The following PDE3A variants were observed in gnomAD, a reference collection of about 807,000 sequenced individuals.
PDE3A encodes cGMP-inhibited 3',5'-cyclic phosphodiesterase 3A.
In PDE3A, 43 loss-of-function variants were observed where a neutral mutation model predicts 98.3. The observed-to-expected ratio is 0.44, with a 90% CI of 0.34 to 0.56. The LOEUF (loss-of-function observed/expected upper bound fraction) is 0.56, where lower values mean the gene tolerates loss of function less well. PDE3A is among the 20% of genes least tolerant of loss of function. The pLI, the probability that PDE3A is intolerant of heterozygous loss-of-function variation, is 0.01. For missense variants in PDE3A, 1,427 were observed against 1,440.7 expected (o/e 0.99, Z 0.15); for synonymous variants, 663 against 567.9 (o/e 1.17, Z -2.38).
chr12:20,388,270 T>G (rs1178955573), intron 1 of PDE3A, among the ~76,000 whole-genome samples: 3 of 152,016 alleles, frequency 2.0e-5, no homozygotes. Flanking sequence ...CTGGACAGGC[T>G]TAAAATTTCT....
At chr12:20,495,509 A>G (rs1945904326) in intron 1 of PDE3A, among the ~76,000 whole-genome samples, 2 of 152,126 alleles carry the variant, frequency 1.3e-5, no homozygotes, top group Non-Finnish European at 2.9e-5. Flanking sequence ...TTCCTTTTAA[A>G]CTTGTCTGTT....
At position 20,682,690 on chromosome 12, in the gene PDE3A, T is replaced by C. The variant is rs148906070; in HGVS notation, c.*2419T>C. On this transcript the variant is annotated 3_prime_UTR_variant, in exon 16 of 16. Coordinates refer to ENST00000359062, the MANE Select transcript of PDE3A (RefSeq NM_000921.5). Reference sequence around the variant, plus strand: ...ATTACTATAAGTCAAATTTTGCCAGTGAATTTAACTATTTTTCTTTCCTTG... The same window carrying C: ...ATTACTATAAGTCAAATTTTGCCAGCGAATTTAACTATTTTTCTTTCCTTG... 1 of 152,340 alleles carries C rather than the reference T, an allele frequency of 6.6e-6. No individual in the cohort carries two copies. The highest frequency in any genetic ancestry group is 2.4e-5 in the African/African-American group (1 of 41,592). 9.4% of individuals were successfully genotyped at this position (152,340 alleles called of 1,614,324 possible).
At chr12:20,604,382 A>G (rs1001974709) in intron 2 of PDE3A, among the ~76,000 whole-genome samples, 1 of 152,190 alleles carries the variant, frequency 6.6e-6, no homozygotes, top group African/African-American at 2.4e-5. Flanking sequence ...GATGAATGAA[A>G]AAAACTTTCT....
At chr12:20,411,588 C>T (rs146835147) in intron 1 of PDE3A, among the ~76,000 whole-genome samples, 57 of 152,118 alleles carry the variant, frequency 3.7e-4, no homozygotes, top group African/African-American at 1.2e-3. Flanking sequence ...TTTGCACCTG[C>T]GCTACTGAAA....
chr12:20,493,074 A>G (rs1591986654), intron 1 of PDE3A, among the ~76,000 whole-genome samples: 1 of 152,340 alleles, frequency 6.6e-6, no homozygotes, highest in Non-Finnish European at 1.5e-5. Flanking sequence ...GTTAATATGT[A>G]TGAAATGTGT....
intron 2 of PDE3A, among the ~76,000 whole-genome samples, chr12:20,582,880 T>A (rs1044945220): frequency 6.6e-6 from 1 of 152,236 alleles, no homozygotes; most frequent in Non-Finnish European, 1.5e-5. Flanking sequence ...ACAATCTTAA[T>A]ATGCAGAGGG....
chr12:20,646,997 A>G, intron 12 of PDE3A, 47 bp downstream of exon 12: 1 of 1,327,062 alleles, frequency 7.5e-7, no homozygotes, highest in Non-Finnish European at 1.1e-6. Flanking sequence ...AAGATTTCTC[A>G]AGAAAGTGAA....
chr12:20,666,283 T>C (rs571937374), intron 15 of PDE3A, among the ~76,000 whole-genome samples: 2 of 152,356 alleles, frequency 1.3e-5, no homozygotes, highest in East Asian at 3.9e-4. Context: ...CATTTCTATG[T>C]GTTGGGAAGT....
At chr12:20,382,283 C>T (rs1943676786) in intron 1 of PDE3A, among the ~76,000 whole-genome samples, 1 of 151,872 alleles carries the variant, frequency 6.6e-6, no homozygotes, top group Non-Finnish European at 1.5e-5. Flanking sequence ...TCTACTGAAA[C>T]TGTACAGGAA....
chr12:20,538,935 C>T (rs1043852078), intron 1 of PDE3A, among the ~76,000 whole-genome samples: 1 of 147,564 alleles, frequency 6.8e-6, no homozygotes, highest in Non-Finnish European at 1.5e-5. Context: ...TGTGAACCAC[C>T]ACACCTAGCC....
At chr12:20,490,593 C>T (rs565815206) in intron 1 of PDE3A, among the ~76,000 whole-genome samples, 1 of 152,202 alleles carries the variant, frequency 6.6e-6, no homozygotes, top group South Asian at 2.1e-4. Flanking sequence ...ATAAAATATA[C>T]CTTATAGAGT....
At chr12:20,590,265 T>C (rs559574851) in intron 2 of PDE3A, among the ~76,000 whole-genome samples, 15 of 151,528 alleles carry the variant, frequency 9.9e-5, no homozygotes, top group African/African-American at 3.6e-4. Context: ...TTTGGGGAGA[T>C]TTAGGAGATG....
At chr12:20,511,373 G>C (rs1332551937) in intron 1 of PDE3A, among the ~76,000 whole-genome samples, 1 of 151,128 alleles carries the variant, frequency 6.6e-6, no homozygotes. Context: ...TACGAGAAAA[G>C]CTTGGAGTAT....
rs113722339 is a variant in PDE3A at position 20,480,423 on chromosome 12, C to A, written c.961-76237C>A. 9.1e-3 allele frequency among the ~76,000 whole-genome samples: 1,390 copies of A among 152,170 alleles called. 23 individuals are homozygous for A. Among genetic ancestry groups the A allele is most frequent in the African/African-American group, 0.03 (1,254 of 41,518 alleles). ...GTAAAGCTTTCAGAATATAAAAATT[C>A]TTCTGATTATGGACAAGCTACTGTG... On this transcript the variant is annotated intron_variant, in intron 1 of 15. Transcript: ENST00000359062.
chr12:20,491,646 T>C (rs1945828052), intron 1 of PDE3A, among the ~76,000 whole-genome samples: 1 of 152,208 alleles, frequency 6.6e-6, no homozygotes, highest in African/African-American at 2.4e-5. Context: ...TTCACCTATG[T>C]CATGTAGGCA....
intron 1 of PDE3A, among the ~76,000 whole-genome samples, chr12:20,469,833 C>T (rs1217786552): frequency 6.6e-6 from 1 of 152,074 alleles, no homozygotes; most frequent in Non-Finnish European, 1.5e-5. Context: ...TTTAACACAG[C>T]CTAACAGTGC....
chr12:20,419,106 A>T (rs942379855), intron 1 of PDE3A, among the ~76,000 whole-genome samples: 4 of 152,206 alleles, frequency 2.6e-5, no homozygotes, highest in African/African-American at 7.2e-5. Context: ...ATGCTTTAAA[A>T]TAATGGTTTT....
chr12:20,588,945 C>T (rs929198626), intron 2 of PDE3A, among the ~76,000 whole-genome samples: 8 of 152,020 alleles, frequency 5.3e-5, no homozygotes, highest in Admixed American at 2.0e-4. Flanking sequence ...GTTTTTGAGA[C>T]GGGGTCTCGC....
chr12:20,660,412 C>T (rs1180426926), intron 15 of PDE3A, among the ~76,000 whole-genome samples: 1 of 152,232 alleles, frequency 6.6e-6, no homozygotes, highest in East Asian at 1.9e-4. Context: ...CTTTGGAACA[C>T]AGTAACAGGC....
Sources: gnomAD v4.1 joint callset for allele counts (sites outside exome capture counted in the v4.1 genomes callset) on GRCh38, gnomAD v4.1.1 for gene constraint, MANE v1.5 for transcripts, NCBI Gene and HGNC (gene_info 2026-07-23, HGNC 2026-07-21) for gene names.